Variants in SGCZ observed in about 807,000 individuals in gnomAD.
SGCZ encodes sarcoglycan zeta.
In SGCZ, 40 loss-of-function variants were observed where a neutral mutation model predicts 41.3. That is an observed-to-expected ratio of 0.97 (90% confidence interval 0.75 to 1.26). SGCZ has a LOEUF of 1.26. SGCZ is among the 50% of genes most tolerant of loss of function. SGCZ has a pLI of 0.00. For synonymous variants in SGCZ, 206 were observed against 137.5 expected, an observed-to-expected ratio of 1.50 and a Z score of -3.49; for missense variants, 552 against 369.8, an observed-to-expected ratio of 1.49 and a Z score of -4.04.
At chr8:14,237,724 G>T in intron 3 of SGCZ, 45 bp from the exon 4 acceptor site, 1 of 1,554,554 alleles carries the variant, frequency 6.4e-7, no homozygotes, top group South Asian at 1.1e-5. Flanking sequence ...TAGAAATATC[G>T]TCAAATTTAC....
At chr8:15,180,224 G>A (rs1170376575) in intron 1 of SGCZ, among the ~76,000 whole-genome samples, 2 of 151,748 alleles carry the variant, frequency 1.3e-5, no homozygotes, top group African/African-American at 4.9e-5. Context: ...ATCCACACAT[G>A]TTCTCCCCAG....
At chr8:15,104,201 C>T (rs1806727280) in intron 1 of SGCZ, among the ~76,000 whole-genome samples, 1 of 152,122 alleles carries the variant, frequency 6.6e-6, no homozygotes, top group Admixed American at 6.5e-5. Context: ...TGAGGTCATC[C>T]TCAAAACAAT....
intron 3 of SGCZ, among the ~76,000 whole-genome samples, chr8:14,301,839 T>G (rs547804028): frequency 5.0e-4 from 76 of 152,302 alleles, no homozygotes; most frequent in African/African-American, 1.8e-3. Context: ...TTCATCTATC[T>G]CTTTTAGAAA....
chr8:14,915,243 C>G (rs939560857), intron 1 of SGCZ, among the ~76,000 whole-genome samples: 32 of 152,048 alleles, frequency 2.1e-4, no homozygotes, highest in African/African-American at 7.3e-4. Flanking sequence ...GGAAAGAAAT[C>G]TATTTGAACA....
intron 1 of SGCZ, among the ~76,000 whole-genome samples, chr8:15,195,998 C>CG (rs1331319402): frequency 1.5e-5 from 2 of 133,918 alleles, no homozygotes; most frequent in African/African-American, 5.7e-5. Flanking sequence ...CCCGGGTTCA[C>CG]GCCATTCTCC....
chr8:14,481,138 C>T (rs2035144), intron 2 of SGCZ, among the ~76,000 whole-genome samples: 1 of 152,070 alleles, frequency 6.6e-6, no homozygotes, highest in Non-Finnish European at 1.5e-5. Context: ...TTAAATAATG[C>T]ACAAATGATA....
intron 2 of SGCZ, among the ~76,000 whole-genome samples, chr8:14,551,953 A>T (rs1007877174): frequency 6.6e-6 from 1 of 151,766 alleles, no homozygotes; most frequent in Non-Finnish European, 1.5e-5. Flanking sequence ...ATATTTTGAT[A>T]AAAATAACAT....
At chr8:14,925,655 G>A (rs1401114081) in intron 1 of SGCZ, among the ~76,000 whole-genome samples, 2 of 152,200 alleles carry the variant, frequency 1.3e-5, no homozygotes, top group African/African-American at 4.8e-5. Context: ...CCTTCAAGAA[G>A]CATCCTATGC....
intron 1 of SGCZ, among the ~76,000 whole-genome samples, chr8:14,683,832 T>G (rs1163198931): frequency 6.6e-6 from 1 of 152,152 alleles, no homozygotes. Flanking sequence ...ATTTGGAGAT[T>G]AATTAGCTTA....
At chr8:15,001,131 T>TG (rs1554537070) in intron 1 of SGCZ, among the ~76,000 whole-genome samples, 1 of 152,118 alleles carries the variant, frequency 6.6e-6, no homozygotes, top group Non-Finnish European at 1.5e-5. Context: ...GCCCAAAGAT[T>TG]GGGAGGATGA....
chr8:14,134,654 C>T (rs1163457700), intron 5 of SGCZ, among the ~76,000 whole-genome samples: 1 of 152,150 alleles, frequency 6.6e-6, no homozygotes, highest in Non-Finnish European at 1.5e-5. Context: ...TTGGTAAATC[C>T]TCTTTACCTA....
chr8:15,082,597 G>A (rs1317593145), intron 1 of SGCZ, among the ~76,000 whole-genome samples: 1 of 152,040 alleles, frequency 6.6e-6, no homozygotes, highest in East Asian at 1.9e-4. Flanking sequence ...GGGACACATG[G>A]CATAGAATAT....
intron 1 of SGCZ, among the ~76,000 whole-genome samples, chr8:15,210,472 A>G (rs1443830185): frequency 7.7e-6 from 1 of 129,416 alleles, no homozygotes. Flanking sequence ...ACTTCCTTAA[A>G]GTCACAGTCT....
intron 1 of SGCZ, among the ~76,000 whole-genome samples, chr8:14,660,466 G>T (rs1807711049): frequency 6.6e-6 from 1 of 151,574 alleles, no homozygotes; most frequent in African/African-American, 2.4e-5. Flanking sequence ...CAACTACCTG[G>T]GAGGGTGAGG....
At chr8:15,159,511 C>A (rs1394918761) in intron 1 of SGCZ, among the ~76,000 whole-genome samples, 1 of 152,062 alleles carries the variant, frequency 6.6e-6, no homozygotes, top group Non-Finnish European at 1.5e-5. Flanking sequence ...CCTGTGGCAT[C>A]TGAAGCTACT....
intron 1 of SGCZ, among the ~76,000 whole-genome samples, chr8:14,909,298 T>C (rs933372999): frequency 3.3e-5 from 5 of 152,202 alleles, no homozygotes; most frequent in African/African-American, 1.2e-4. Context: ...TCCAGTTGTC[T>C]ACCTGGCCAA....
chr8:14,950,529 C>T (rs1296653358), intron 1 of SGCZ, among the ~76,000 whole-genome samples: 2 of 152,008 alleles, frequency 1.3e-5, no homozygotes, highest in Non-Finnish European at 2.9e-5. Flanking sequence ...ATTAACATAA[C>T]ATGTTCTTTA....
chr8:14,967,202 T>C (rs891781897), intron 1 of SGCZ, among the ~76,000 whole-genome samples: 6 of 152,154 alleles, frequency 3.9e-5, no homozygotes, highest in African/African-American at 1.2e-4. Flanking sequence ...TGGGATGTTA[T>C]TAAAATGCAG....
intron 1 of SGCZ, among the ~76,000 whole-genome samples, chr8:14,848,602 G>A (rs1439824722): frequency 6.6e-6 from 1 of 152,148 alleles, no homozygotes; most frequent in Non-Finnish European, 1.5e-5. Flanking sequence ...CATAAAAGAA[G>A]GATAATCTTT....
Sources: gnomAD v4.1 joint callset for allele counts (sites outside exome capture counted in the v4.1 genomes callset) on GRCh38, gnomAD v4.1.1 for gene constraint, MANE v1.5 for transcripts, NCBI Gene and HGNC (gene_info 2026-07-23, HGNC 2026-07-21) for gene names.